Variants in CYRIB observed in about 807,000 individuals in gnomAD.
CYRIB encodes the protein CYFIP related Rac1 interactor B.
In CYRIB, 8 loss-of-function variants were observed where a neutral mutation model predicts 44.2. The ratio of observed to expected loss-of-function variants is 0.18; its 90% CI spans 0.11 to 0.33. The LOEUF (loss-of-function observed/expected upper bound fraction) is 0.33. CYRIB is among the 10% of genes least tolerant of loss of function. The pLI is 1.00. For missense variants in CYRIB, 185 were observed against 382.8 expected (o/e 0.48, Z 4.31); for synonymous variants, 131 against 127.2 (o/e 1.03, Z -0.20).
intron 7 of CYRIB, among the ~76,000 whole-genome samples, chr8:129,853,552 G>C (rs2044485677): frequency 6.6e-6 from 1 of 152,148 alleles, no homozygotes; most frequent in Non-Finnish European, 1.5e-5. Flanking sequence ...AACAAGGGTT[G>C]ATCTTTGAAA....
At chr8:129,903,177 TAAC>T (rs1018586203) in intron 2 of CYRIB, 132 bp downstream of exon 4, 4 of 152,622 alleles carry the variant, frequency 2.6e-5, no homozygotes, top group Non-Finnish European at 5.9e-5. Flanking sequence ...CAATATTTCC[TAAC>T]AACATTTTTA....
At chr8:129,896,492 T>A (rs748679332) in intron 2 of CYRIB, among the ~76,000 whole-genome samples, 3 of 152,252 alleles carry the variant, frequency 2.0e-5, no homozygotes, top group Non-Finnish European at 4.4e-5. Context: ...TCTGAGCTAA[T>A]CTTCAATGGT....
chr8:129,932,317 A>G (rs2091746240), intron 1 of CYRIB, among the ~76,000 whole-genome samples: 1 of 152,130 alleles, frequency 6.6e-6, no homozygotes, highest in Non-Finnish European at 1.5e-5. Flanking sequence ...AACAGTCTTG[A>G]GAAATAAAGA....
chr8:129,964,040 G>C (rs1291984336), intron 2 of CYRIB, among the ~76,000 whole-genome samples: 5 of 152,156 alleles, frequency 3.3e-5, no homozygotes, highest in Non-Finnish European at 5.9e-5. Flanking sequence ...GAAAGTCTCT[G>C]GTTCTATAAA....
intron 1 of CYRIB, among the ~76,000 whole-genome samples, chr8:130,000,167 C>G (rs367750416): frequency 2.0e-5 from 3 of 152,280 alleles, no homozygotes; most frequent in South Asian, 2.1e-4. Context: ...TTACTTATCA[C>G]TTCCTTTCCC....
Position 130,006,649 on chromosome 8 carries a change from T to TACACATATATATGTGTATATATAC in CYRIB, c.-296+9720_-296+9721insGTATATATACACATATATATGTGT, listed in dbSNP as rs1303547816. ...ATATACATATATATGTGTATATATA[T>TACACATATATATGTGTATATATAC]ACATATATATATGTATATATATATG... On this transcript the variant is annotated intron_variant, in intron 1 of 14. Transcript: ENST00000401979. 6.3e-4 allele frequency among the ~76,000 whole-genome samples: 71 copies of TACACATATATATGTGTATATATAC among 112,898 alleles called. 5 individuals are homozygous for TACACATATATATGTGTATATATAC. The highest frequency in any genetic ancestry group is 2.5e-3 in the African/African-American group (69 of 28,122). 74.1% of individuals were successfully genotyped at this position (112,898 alleles called of 152,430 possible). A position where few individuals can be genotyped will look rare whatever the true frequency, so the allele number is the denominator to read the frequency against.
chr8:129,998,211 C>A (rs1402833679), intron 1 of CYRIB, among the ~76,000 whole-genome samples: 1 of 152,078 alleles, frequency 6.6e-6, no homozygotes, highest in African/African-American at 2.4e-5. Context: ...CCTCAGTGTC[C>A]ACATCTGGCC....
chr8:130,015,962 C>G (rs1294126830), intron 1 of CYRIB, among the ~76,000 whole-genome samples: 2 of 152,036 alleles, frequency 1.3e-5, no homozygotes, highest in African/African-American at 2.4e-5. Context: ...CTCCCGGGGT[C>G]AGTCCCCGCA....
At chr8:130,006,775 T>G (rs1486552582) in intron 1 of CYRIB, among the ~76,000 whole-genome samples, 1 of 148,512 alleles carries the variant, frequency 6.7e-6, no homozygotes, top group African/African-American at 2.5e-5. Flanking sequence ...GGGGAACACA[T>G]GCATAGAGTA....
exon 12 of CYRIB, chr8:129,842,014 A>G (rs2036563161): frequency 1.5e-6 from 1 of 667,654 alleles, no homozygotes; most frequent in Admixed American, 2.8e-5. Context: ...AAAAAGAGGG[A>G]AGAGGAACAG....
intron 2 of CYRIB, among the ~76,000 whole-genome samples, chr8:129,886,505 AC>A (rs1438362543): frequency 6.6e-6 from 1 of 151,952 alleles, no homozygotes; most frequent in Non-Finnish European, 1.5e-5. Flanking sequence ...ACCAGCTCCC[AC>A]CCTATTCCCT....
intron 1 of CYRIB, among the ~76,000 whole-genome samples, chr8:129,932,068 G>A (rs1345941234): frequency 1.4e-5 from 2 of 144,616 alleles, no homozygotes; most frequent in South Asian, 2.2e-4. Flanking sequence ...GCGCAATCTC[G>A]GCTCACCGCA....
At chr8:129,970,339 C>T (rs1399605552) in intron 2 of CYRIB, among the ~76,000 whole-genome samples, 2 of 151,844 alleles carry the variant, frequency 1.3e-5, no homozygotes, top group African/African-American at 4.8e-5. Context: ...CAGAGGGCAC[C>T]CAGGCTCCAA....
intron 2 of CYRIB, among the ~76,000 whole-genome samples, chr8:129,967,091 A>G (rs896816589): frequency 3.9e-5 from 6 of 152,204 alleles, no homozygotes; most frequent in Admixed American, 1.3e-4. Flanking sequence ...TGGGCAACAG[A>G]GCGAGGCCCT....
intron 1 of CYRIB, among the ~76,000 whole-genome samples, chr8:129,908,762 A>C (rs1040791617): frequency 2.6e-5 from 4 of 152,160 alleles, no homozygotes; most frequent in South Asian, 4.1e-4. Flanking sequence ...TTACTACCAC[A>C]AAATAGTTTG....
chr8:130,006,444 T>A (rs865971919), intron 1 of CYRIB, among the ~76,000 whole-genome samples: 1 of 147,180 alleles, frequency 6.8e-6, no homozygotes, highest in Non-Finnish European at 1.5e-5. Flanking sequence ...AGCAAGACTC[T>A]CATCTCAAAA....
At chr8:129,953,466 C>G (rs947925823) in intron 2 of CYRIB, among the ~76,000 whole-genome samples, 1 of 152,194 alleles carries the variant, frequency 6.6e-6, no homozygotes, top group Non-Finnish European at 1.5e-5. Flanking sequence ...CCATTTTGAG[C>G]AAACCAGGTC....
intron 1 of CYRIB, among the ~76,000 whole-genome samples, chr8:129,925,809 A>T (rs921539447): frequency 1.9e-4 from 29 of 152,342 alleles, no homozygotes; most frequent in South Asian, 4.1e-4. Context: ...CCAAGTGGTC[A>T]CTATAAAGCC....
At chr8:129,944,276 G>A (rs1247544014), upstream of CYRIB, among the ~76,000 whole-genome samples, 2 of 152,140 alleles carry the variant, frequency 1.3e-5, no homozygotes, top group Non-Finnish European at 2.9e-5. Flanking sequence ...CCTGCTCAAG[G>A]AAACTGGCAG....
Sources: gnomAD v4.1 joint callset for allele counts (sites outside exome capture counted in the v4.1 genomes callset) on GRCh38, gnomAD v4.1.1 for gene constraint, MANE v1.5 for transcripts, NCBI Gene and HGNC (gene_info 2026-07-23, HGNC 2026-07-21) for gene names.